Variants in AGMO observed in about 807,000 individuals in gnomAD.
AGMO encodes alkylglycerol monooxygenase, also known as glyceryl-ether monooxygenase.
In AGMO, 75 loss-of-function variants were observed where a neutral mutation model predicts 60.2. The observed-to-expected ratio is 1.25, with a 90% CI of 1.03 to 1.51. The LOEUF (loss-of-function observed/expected upper bound fraction) is 1.51. Ranked by LOEUF, AGMO falls within the 40% of genes most tolerant of loss-of-function variation. AGMO has a pLI of 0.00. For synonymous variants in AGMO, 261 were observed against 177.1 expected (o/e 1.47, Z -3.76); for missense variants, 763 against 525.5 (o/e 1.45, Z -4.42).
intron 3 of AGMO, among the ~76,000 whole-genome samples, chr7:15,534,388 T>G (rs551959466): frequency 1.3e-5 from 2 of 152,170 alleles, no homozygotes; most frequent in Admixed American, 1.3e-4. Flanking sequence ...CGGATAAGTT[T>G]GATTTACTAG....
intron 3 of AGMO, among the ~76,000 whole-genome samples, chr7:15,507,412 C>G (rs1296835809): frequency 6.6e-6 from 1 of 152,046 alleles, no homozygotes; most frequent in African/African-American, 2.4e-5. Context: ...TATCCAGCCT[C>G]TAGAACCTAC....
At chr7:15,279,478 T>A (rs543140868) in intron 12 of AGMO, among the ~76,000 whole-genome samples, 15 of 152,286 alleles carry the variant, frequency 9.8e-5, no homozygotes, top group African/African-American at 2.2e-4. Flanking sequence ...TGTTTTTTTT[T>A]ATTTTTTTTA....
chr7:15,177,749 A>G, the AGMO span, among the ~76,000 whole-genome samples: 1,170 of 152,232 alleles, frequency 7.7e-3, 17 homozygotes, highest in African/African-American at 0.027. Context: ...CTTATCTTCT[A>G]AACCTCCAGT....
intron 10 of AGMO, among the ~76,000 whole-genome samples, chr7:15,374,276 G>A (rs554151877): frequency 4.7e-4 from 72 of 152,060 alleles, no homozygotes; most frequent in African/African-American, 1.7e-3. Context: ...TACCACTAAA[G>A]CATACTAAGA....
intron 12 of AGMO, among the ~76,000 whole-genome samples, chr7:15,313,673 G>C (rs1780831562): frequency 6.6e-6 from 1 of 152,058 alleles, no homozygotes; most frequent in Non-Finnish European, 1.5e-5. Flanking sequence ...TTATCTACAG[G>C]AAGTTTCATT....
intron 3 of AGMO, among the ~76,000 whole-genome samples, chr7:15,513,415 T>G (rs74428777): frequency 0.015 from 2,307 of 152,266 alleles, 60 homozygotes; most frequent in African/African-American, 0.052. Flanking sequence ...CTTTATTTCT[T>G]CTATTTCCCC....
intron 12 of AGMO, among the ~76,000 whole-genome samples, chr7:15,207,740 C>T (rs1441113787): frequency 6.6e-6 from 1 of 152,176 alleles, no homozygotes; most frequent in Non-Finnish European, 1.5e-5. Flanking sequence ...CGAGACCATC[C>T]TGGCTAACAT....
At chr7:15,443,155 G>A (rs572073401) in intron 3 of AGMO, among the ~76,000 whole-genome samples, 1 of 152,320 alleles carries the variant, frequency 6.6e-6, no homozygotes, top group South Asian at 2.1e-4. Flanking sequence ...GAAACCCTGG[G>A]ATACAGAAAA....
chr7:15,273,889 G>C (rs1454829385), intron 12 of AGMO, among the ~76,000 whole-genome samples: 1 of 152,166 alleles, frequency 6.6e-6, no homozygotes, highest in Non-Finnish European at 1.5e-5. Context: ...AAGCAATTGT[G>C]AATGGGAGTT....
intron 4 of AGMO, among the ~76,000 whole-genome samples, chr7:15,429,371 C>G (rs1781163783): frequency 6.6e-6 from 1 of 151,956 alleles, no homozygotes; most frequent in Non-Finnish European, 1.5e-5. Context: ...CTAAAAAGGA[C>G]ATGTGGACAA....
chr7:15,548,109 T>C (rs1379924325), intron 2 of AGMO, among the ~76,000 whole-genome samples: 1 of 152,028 alleles, frequency 6.6e-6, no homozygotes, highest in Non-Finnish European at 1.5e-5. Flanking sequence ...GACGGTCATG[T>C]CTGTTAGAAG....
intron 3 of AGMO, among the ~76,000 whole-genome samples, chr7:15,517,080 T>C (rs961387690): frequency 6.6e-6 from 1 of 152,088 alleles, no homozygotes; most frequent in Non-Finnish European, 1.5e-5. Flanking sequence ...AGCTTATATT[T>C]GATAATGTTA....
At chr7:15,231,760 T>C (rs1478709934) in intron 12 of AGMO, among the ~76,000 whole-genome samples, 1 of 152,210 alleles carries the variant, frequency 6.6e-6, no homozygotes, top group Non-Finnish European at 1.5e-5. Context: ...TAAAATGATA[T>C]AATGTGATTT....
At chr7:15,479,515 T>C (rs1782693256) in intron 3 of AGMO, among the ~76,000 whole-genome samples, 1 of 152,324 alleles carries the variant, frequency 6.6e-6, no homozygotes, top group Non-Finnish European at 1.5e-5. Flanking sequence ...TTTTAGATTA[T>C]GTAAATATTT....
At chr7:15,132,778 G>A in the AGMO span, among the ~76,000 whole-genome samples, 42 of 152,262 alleles carry the variant, frequency 2.8e-4, no homozygotes, top group East Asian at 1.7e-3. Flanking sequence ...ATAGATAAAT[G>A]ACAAAGACAA....
At chr7:15,559,556 CA>C (rs1259881134) in intron 2 of AGMO, among the ~76,000 whole-genome samples, 2 of 151,976 alleles carry the variant, frequency 1.3e-5, no homozygotes, top group African/African-American at 4.8e-5. Context: ...ACAGGATAAA[CA>C]TGACAAATAG....
chr7:15,197,520 A>C (rs561448499), downstream of AGMO, among the ~76,000 whole-genome samples: 4 of 152,240 alleles, frequency 2.6e-5, no homozygotes, highest in Non-Finnish European at 5.9e-5. Flanking sequence ...AGACGATTAG[A>C]TTCAGTTTAA....
chr7:15,366,180 T>A lies in AGMO; in HGVS notation c.1117A>T (p.Ile373Phe), dbSNP rs1782972182. Reference sequence around the variant, plus strand: ...AATCCAATGGAAGTCAAGGTCAGGATAATGAAGCAAACCCTCAGAAGGAGA... The same window carrying A: ...AATCCAATGGAAGTCAAGGTCAGGAAAATGAAGCAAACCCTCAGAAGGAGA... Reference protein sequence around the residue: ...VTLLLRVCFIILTLTSIGFLL... With the variant: ...VTLLLRVCFIFLTLTSIGFLL... The change falls in exon 11 of 13, where the codon ATC becomes TTC. Residue 373 changes from isoleucine (I) to phenylalanine (F), a missense_variant. Transcript: ENST00000342526. 1 of 1,609,488 alleles carries A rather than the reference T, an allele frequency of 6.2e-7. No homozygotes were observed. Among genetic ancestry groups the A allele is most frequent in the Non-Finnish European group, 8.5e-7 (1 of 1,177,348 alleles).
chr7:15,484,003 C>T (rs1367258240), intron 3 of AGMO, among the ~76,000 whole-genome samples: 1 of 152,106 alleles, frequency 6.6e-6, no homozygotes. Context: ...CAATATATAT[C>T]TTTTTGTGCA....
Sources: allele counts gnomAD v4.1 joint callset (sites outside exome capture counted in the v4.1 genomes callset), GRCh38; gene constraint gnomAD v4.1.1; transcripts MANE v1.5; gene names NCBI Gene and HGNC (gene_info 2026-07-23, HGNC 2026-07-21).